The following FAAP20 variants were observed in gnomAD, a reference collection of about 807,000 sequenced individuals.
The protein encoded by FAAP20 is FA core complex associated protein 20, also known as Fanconi anemia core complex-associated protein 20.
In FAAP20, 12 loss-of-function variants were observed where a neutral mutation model predicts 16.2. The ratio of observed to expected loss-of-function variants is 0.74; its 90% CI spans 0.48 to 1.20. FAAP20 has a LOEUF of 1.20. Among genes scored for constraint, FAAP20 ranks in the 50% most tolerant of loss-of-function variants. The probability of loss-of-function intolerance (pLI) is 0.00; values close to 1 mark genes in which losing one functional copy is unlikely to be tolerated. For missense variants in FAAP20, 288 were observed against 245.8 expected, an observed-to-expected ratio of 1.17 and a Z score of -1.15; for synonymous variants, 141 against 110.7, an observed-to-expected ratio of 1.27 and a Z score of -1.72.
upstream of FAAP20, chr1:2,199,261 A>T: frequency 9.0e-7 from 1 of 1,116,116 alleles, no homozygotes. This position sits in a 1 kb window ranked among gnomAD's most constrained non-coding sequence, Gnocchi z 4.5. Context: ...TATCCGGTTC[A>T]CACCCTCCCA....
upstream of FAAP20, chr1:2,201,109 G>A (rs1274624476): frequency 7.8e-7 from 1 of 1,288,404 alleles, no homozygotes; most frequent in Admixed American, 2.3e-5. Flanking sequence ...CCCCTGTGCA[G>A]CCGGCTGTGA....
At chr1:2,189,003 T>A (rs1572095239), downstream of FAAP20, among the ~76,000 whole-genome samples, 2 of 87,564 alleles carry the variant, frequency 2.3e-5, no homozygotes, top group African/African-American at 1.2e-4. Flanking sequence ...AGACTCCGTC[T>A]CAAAAAAGAA....
intron 1 of FAAP20, 135 bp downstream of exon 1, chr1:2,194,553 G>T: frequency 6.4e-6 from 2 of 311,686 alleles, no homozygotes; most frequent in South Asian, 1.3e-4. Flanking sequence ...GGGGTGGGGC[G>T]ACGGGCGTGG....
upstream of FAAP20, chr1:2,200,965 T>G: frequency 5.7e-6 from 7 of 1,219,826 alleles, no homozygotes; most frequent in South Asian, 9.7e-5. Flanking sequence ...CACGTTTTTA[T>G]GGGAAATCTG....
upstream of FAAP20, among the ~76,000 whole-genome samples, chr1:2,202,133 G>A (rs1367961787): frequency 1.3e-5 from 2 of 152,228 alleles, no homozygotes; most frequent in Middle Eastern, 3.2e-3. Context: ...CTCAGGGACT[G>A]TTTGGAGAAC....
chr1:2,209,116 G>A (rs1290272936), downstream of FAAP20, among the ~76,000 whole-genome samples: 1 of 152,138 alleles, frequency 6.6e-6, no homozygotes, highest in African/African-American at 2.4e-5. Flanking sequence ...CAGGCACGGT[G>A]TCCTCTACCC....
upstream of FAAP20, chr1:2,200,511 G>T (rs1394580315): frequency 1.9e-6 from 1 of 514,188 alleles, no homozygotes; most frequent in East Asian, 1.5e-4. Context: ...GGGGCTGGAA[G>T]GGGCAGGCAG....
At chr1:2,186,413 C>T (rs1183097596), downstream of FAAP20, among the ~76,000 whole-genome samples, 1 of 152,154 alleles carries the variant, frequency 6.6e-6, no homozygotes, top group Non-Finnish European at 1.5e-5. Flanking sequence ...GGATTCACAC[C>T]CAAGCCCCAG....
rs2100686660 is a variant in FAAP20, at chr1:2,193,715, C to T, written c.394G>A (p.Val132Met). 1 of 1,590,044 alleles carries T rather than the reference C, an allele frequency of 6.3e-7. No individual in the cohort carries two copies. The highest frequency in any genetic ancestry group is 1.1e-5 in the South Asian group (1 of 88,310). The change falls in exon 3 of 4, where the codon GTG (valine) becomes ATG (methionine). Residue 132 changes from valine to methionine, a missense_variant. Coordinates refer to ENST00000378546, the MANE Select transcript of FAAP20 (RefSeq NM_182533.4). Reference sequence around the variant, plus strand: ...CCCTCCACAGACGGCTGCTGCTCCACCCTGGGGGCCCTGCAGGGATCAGGT... The same window carrying T: ...CCCTCCACAGACGGCTGCTGCTCCATCCTGGGGGCCCTGCAGGGATCAGGT... The part of the protein sequence containing the change: ...PAPDPCRAPR[V>M]EQQPSVEGAA...
chr1:2,184,733 C>A (rs1285263821), downstream of FAAP20: 10 of 1,582,378 alleles, frequency 6.3e-6, no homozygotes, highest in Non-Finnish European at 8.6e-6. Context: ...CTGGAGCACC[C>A]CTCGGGCAGC....
downstream of FAAP20, chr1:2,185,553 A>G: frequency 1.4e-6 from 1 of 710,500 alleles, no homozygotes; most frequent in Non-Finnish European, 2.6e-6. Context: ...TTTCCTAAAA[A>G]CCCCGGTAAG....
Position 2,193,766 on chromosome 1 carries a change from C to A in FAAP20, c.343G>T (p.Ala115Ser), listed in dbSNP as rs200413325. Residue 115 changes from alanine (A) to serine (S), a missense_variant, in exon 3 of 4, where the codon GCC (alanine) becomes TCC (serine). By Grantham distance (99) the Ala-to-Ser change is moderately conservative. Transcript: ENST00000378546. ...HGAGGHLESPARSLPQRPAPD... is the reference protein window; with the variant it reads ...HGAGGHLESPSRSLPQRPAPD... ...GCCGGGCGCTGGGGCAGGGACCTGG[C>A]GGGGGATTCCAGGTGCCCTCCTGCC... 4.3e-4 allele frequency: 684 copies of A among 1,594,172 alleles called. 2 individuals carry two copies. The African/African-American group carries it at 8.3e-3, about 19-fold the overall frequency.
rs1374360689 is a variant in FAAP20 at position 2,194,073 on chromosome 1, G to T, written c.123C>A (p.Ala41=). Residue 41 remains alanine, a synonymous_variant, in exon 2 of 4, where the codon GCC becomes GCA. Coordinates refer to ENST00000378546, the MANE Select transcript of FAAP20 (RefSeq NM_182533.4). ...LGGDERERLW[A]ELLRTVSPEL... is the part of the protein sequence containing the mutation. Reference sequence around the variant, plus strand: ...CCGGGCTCACCGTGCGCAGTAGCTCGGCCCAGAGCCGCTCCCGCTCATCAC... The same window carrying T: ...CCGGGCTCACCGTGCGCAGTAGCTCTGCCCAGAGCCGCTCCCGCTCATCAC... 3.5e-5 allele frequency: 57 copies of T among 1,612,506 alleles called. 1 individual carries two copies. Among genetic ancestry groups the T allele is most frequent in the Non-Finnish European group, 4.7e-5 (55 of 1,179,970 alleles).
At chr1:2,185,514 C>A (rs1186347621), downstream of FAAP20, 2 of 716,840 alleles carry the variant, frequency 2.8e-6, no homozygotes, top group Non-Finnish European at 5.2e-6. Context: ...GTTGAAGTAC[C>A]TGTGGGGACA....
downstream of FAAP20, chr1:2,187,081 C>T: frequency 2.3e-6 from 1 of 434,882 alleles, no homozygotes; most frequent in Non-Finnish European, 4.8e-6. Flanking sequence ...GGGGGCTGCA[C>T]AGTGGGCCTG....
upstream of FAAP20, among the ~76,000 whole-genome samples, chr1:2,204,629 G>A (rs1689168097): frequency 1.3e-5 from 2 of 151,714 alleles, no homozygotes; most frequent in African/African-American, 4.8e-5. Context: ...CCCGCAGGAC[G>A]TCAGCCGGGT....
chr1:2,196,399 A>T (rs898558066), upstream of FAAP20, among the ~76,000 whole-genome samples: 1 of 151,176 alleles, frequency 6.6e-6, no homozygotes, highest in Admixed American at 6.6e-5. This position sits in a 1 kb window ranked among gnomAD's most constrained non-coding sequence, Gnocchi z 4.5. Context: ...TTGTCTCTAT[A>T]AATAAAAAAT....
downstream of FAAP20, among the ~76,000 whole-genome samples, chr1:2,209,561 C>T (rs1689380355): frequency 6.6e-6 from 1 of 152,242 alleles, no homozygotes; most frequent in South Asian, 2.1e-4. Flanking sequence ...GCACCCGGAC[C>T]CTGTCGGGCA....
chr1:2,193,053 A>G, intron 3 of FAAP20: 1 of 1,269,452 alleles, frequency 7.9e-7, no homozygotes, highest in Non-Finnish European at 1.0e-6. Flanking sequence ...CATTAACTCA[A>G]CCAAAAGTTA....
Sources: gnomAD v4.1 joint callset for allele counts (sites outside exome capture counted in the v4.1 genomes callset) on GRCh38, gnomAD v4.1.1 for gene constraint, Gnocchi (gnomAD v3.1) non-coding constraint, MANE v1.5 for transcripts, NCBI Gene and HGNC (gene_info 2026-07-23, HGNC 2026-07-21) for gene names.